The following ROBO1 variants were observed in gnomAD, a reference collection of about 807,000 sequenced individuals.
ROBO1 encodes roundabout guidance receptor 1, also known as roundabout homolog 1.
ROBO1 carries 149 observed loss-of-function variants against 195.9 expected under a neutral mutation model. The observed-to-expected ratio is 0.76, with a 90% CI of 0.67 to 0.87. The LOEUF is 0.87. Among genes scored for constraint, ROBO1 ranks in the 40% least tolerant of loss-of-function variants. ROBO1 has a pLI of 0.00. For missense variants in ROBO1, 1,933 were observed against 2,068.3 expected, an observed-to-expected ratio of 0.93 and a Z score of 1.27; for synonymous variants, 816 against 733.2, an observed-to-expected ratio of 1.11 and a Z score of -1.82.
At chr3:79,045,656 TA>T (rs1334517958) in intron 3 of ROBO1, among the ~76,000 whole-genome samples, 2 of 152,068 alleles carry the variant, frequency 1.3e-5, no homozygotes, top group Non-Finnish European at 2.9e-5. Flanking sequence ...TATTGTGCAT[TA>T]AAAAAATCCA....
At chr3:78,933,561 C>A (rs1459682322) in intron 4 of ROBO1, among the ~76,000 whole-genome samples, 1 of 151,958 alleles carries the variant, frequency 6.6e-6, no homozygotes, top group African/African-American at 2.4e-5. Flanking sequence ...TTACTGACAT[C>A]ATTGAGATGT....
intron 4 of ROBO1, among the ~76,000 whole-genome samples, chr3:78,789,273 A>T (rs971089082): frequency 6.6e-6 from 1 of 152,196 alleles, no homozygotes; most frequent in African/African-American, 2.4e-5. Context: ...AAGCTAAGAT[A>T]TTGATATTGA....
intron 2 of ROBO1, among the ~76,000 whole-genome samples, chr3:79,218,955 G>T (rs1343067629): frequency 1.3e-5 from 2 of 151,804 alleles, no homozygotes; most frequent in Non-Finnish European, 2.9e-5. Context: ...CCCAGGTGAG[G>T]GTTTGCCCAA....
intron 1 of ROBO1, among the ~76,000 whole-genome samples, chr3:79,659,999 G>A (rs1456717230): frequency 6.6e-6 from 1 of 152,046 alleles, no homozygotes; most frequent in African/African-American, 2.4e-5. Context: ...CTGCTTAGTG[G>A]AAAGTTGATT....
At chr3:79,056,396 T>C (rs1049767321) in intron 3 of ROBO1, among the ~76,000 whole-genome samples, 8 of 152,190 alleles carry the variant, frequency 5.3e-5, no homozygotes, top group Middle Eastern at 3.4e-3. Context: ...TGTTATCAAA[T>C]TTTGAGCTGC....
chr3:79,689,296 T>C (rs1328845790), intron 1 of ROBO1, among the ~76,000 whole-genome samples: 1 of 152,052 alleles, frequency 6.6e-6, no homozygotes, highest in African/African-American at 2.4e-5. Context: ...GAAAATCTGT[T>C]TTATTGTGAA....
At chr3:78,847,936 AAG>A (rs1437716504) in intron 4 of ROBO1, among the ~76,000 whole-genome samples, 3 of 152,188 alleles carry the variant, frequency 2.0e-5, no homozygotes, top group Non-Finnish European at 4.4e-5. Context: ...CATTTAGAAA[AAG>A]AGAAATATGA....
At chr3:79,265,784 ATTT>A in intron 2 of ROBO1, among the ~76,000 whole-genome samples, 1 of 151,576 alleles carries the variant, frequency 6.6e-6, no homozygotes, top group South Asian at 2.1e-4. Flanking sequence ...ATCATGTCAT[ATTT>A]TTTATTTTGT....
chr3:79,578,630 G>C (rs936181988), intron 2 of ROBO1, among the ~76,000 whole-genome samples: 3 of 152,132 alleles, frequency 2.0e-5, no homozygotes, highest in Non-Finnish European at 4.4e-5. Context: ...GTCTACTGGA[G>C]CTATATTTTT....
Position 79,485,605 on chromosome 3 carries a change from C to T in ROBO1, c.88+104219G>A, listed in dbSNP as rs375628389. On this transcript the variant is annotated intron_variant, in intron 2 of 30. Coordinates refer to ENST00000464233, the MANE Select transcript of ROBO1 (RefSeq NM_002941.4). ...CACAATCGTAATAGATACCATGAGTCAGATACTGTTCTCAGCGCTTTAAAA... is the reference window on the plus strand; with the variant it reads ...CACAATCGTAATAGATACCATGAGTTAGATACTGTTCTCAGCGCTTTAAAA... Among the ~76,000 whole-genome samples, 18 of 152,238 alleles carry T rather than the reference C, an allele frequency of 1.2e-4. No individual in the cohort carries two copies. The South Asian group carries it at 3.5e-3, about 30-fold the overall frequency.
chr3:79,205,017 G>A lies in ROBO1; in HGVS notation c.89-79478C>T, dbSNP rs529379297. Among the ~76,000 whole-genome samples, 5 of 150,850 alleles carry A rather than the reference G, an allele frequency of 3.3e-5. No individual in the cohort carries two copies. The South Asian group carries it at 1.0e-3, about 31-fold the overall frequency. ...TAGTTAGTTAGTTAGTTTTTAGAGA[G>A]AGTCTCACTCTGTCGCCTAGGCTGG... On this transcript the variant is annotated intron_variant, in intron 2 of 30. Coordinates refer to ENST00000464233, the MANE Select transcript of ROBO1 (RefSeq NM_002941.4).
At chr3:78,668,877 C>T (rs905114292) in intron 11 of ROBO1, among the ~76,000 whole-genome samples, 6 of 152,108 alleles carry the variant, frequency 3.9e-5, no homozygotes, top group South Asian at 2.1e-4. Context: ...AAATTTAGAG[C>T]GTTAATATTT....
intron 4 of ROBO1, among the ~76,000 whole-genome samples, chr3:78,928,485 CTTA>C (rs1301985188): frequency 6.6e-6 from 1 of 151,966 alleles, no homozygotes; most frequent in African/African-American, 2.4e-5. Context: ...AGAAATTGAC[CTTA>C]TTGTCTACCA....
intron 2 of ROBO1, among the ~76,000 whole-genome samples, chr3:79,166,785 T>C (rs970455522): frequency 6.6e-6 from 1 of 152,102 alleles, no homozygotes; most frequent in Non-Finnish European, 1.5e-5. Flanking sequence ...GCCAGGATGG[T>C]CTCGATCTCC....
intron 3 of ROBO1, among the ~76,000 whole-genome samples, chr3:78,994,438 T>G (rs2077312288): frequency 6.6e-6 from 1 of 152,190 alleles, no homozygotes; most frequent in Non-Finnish European, 1.5e-5. Context: ...CTTCTTTATG[T>G]AAAAGATAGT....
chr3:79,510,291 GA>G (rs1229879951), intron 2 of ROBO1, among the ~76,000 whole-genome samples: 3 of 152,152 alleles, frequency 2.0e-5, no homozygotes, highest in African/African-American at 7.2e-5. Context: ...ATGGTATTAT[GA>G]GGGGCTTTGC....
rs554041440 is a variant in ROBO1, at chr3:78,751,057, G to A, written c.500-4157C>T. ...TATTGCAAAAGGCTTGACTTATGGC[G>A]ATTGTGCATCACTGCGCTACAGTCT... is the stretch of plus-strand genomic sequence containing the variant. On this transcript the variant is annotated intron_variant, in intron 4 of 30. Transcript: ENST00000464233. 1.3e-4 allele frequency among the ~76,000 whole-genome samples: 20 copies of A among 152,142 alleles called. No individual in the cohort carries two copies. The South Asian group carries it at 2.7e-3, about 21-fold the overall frequency.
intron 1 of ROBO1, among the ~76,000 whole-genome samples, chr3:79,670,281 T>G (rs377098994): frequency 1.3e-5 from 2 of 151,940 alleles, no homozygotes; most frequent in East Asian, 3.9e-4. Flanking sequence ...ATGTGCATTT[T>G]GTACTTCCAG....
rs1024886766 is a variant in ROBO1, at chr3:79,039,646, T to G, written c.172+85810A>C. Among the ~76,000 whole-genome samples, 8 of 151,804 alleles carry G rather than the reference T, an allele frequency of 5.3e-5. 1 individual carries two copies. In the South Asian group the frequency reaches 1.7e-3, roughly 32 times the overall value. ...CCTGTCTCTACTAAAAATACAAAAATTAGCTGGACATGGTGGCACATGCCT... is the reference window on the plus strand; with the variant it reads ...CCTGTCTCTACTAAAAATACAAAAAGTAGCTGGACATGGTGGCACATGCCT... On this transcript the variant is annotated intron_variant, in intron 3 of 30. Coordinates refer to ENST00000464233, the MANE Select transcript of ROBO1 (RefSeq NM_002941.4).
Sources: gnomAD v4.1 joint callset for allele counts (sites outside exome capture counted in the v4.1 genomes callset) on GRCh38, gnomAD v4.1.1 for gene constraint, MANE v1.5 for transcripts, NCBI Gene and HGNC (gene_info 2026-07-23, HGNC 2026-07-21) for gene names.